Variants in CFDP1 observed in about 807,000 individuals in gnomAD.
CFDP1 encodes the protein chromatin remodeling protein CFDP1.
A neutral mutation model predicts 40.1 loss-of-function variants in CFDP1; 31 were observed. That is an observed-to-expected ratio of 0.77 (90% confidence interval 0.58 to 1.04). The LOEUF (loss-of-function observed/expected upper bound fraction) is 1.04, where lower values mean the gene tolerates loss of function less well. CFDP1 is among the 50% of genes least tolerant of loss of function. The pLI, the probability that CFDP1 is intolerant of heterozygous loss-of-function variation, is 0.00. For synonymous variants in CFDP1, 167 were observed against 120.0 expected (o/e 1.39, Z -2.56); for missense variants, 423 against 343.4 (o/e 1.23, Z -1.83).
chr16:75,384,210 A>T (rs2078873933), intron 5 of CFDP1, among the ~76,000 whole-genome samples: 1 of 152,116 alleles, frequency 6.6e-6, no homozygotes, highest in African/African-American at 2.4e-5. Flanking sequence ...TACAAAAATT[A>T]GCCAGGCATG....
chr16:75,433,142 T>C (rs951512265), intron 1 of CFDP1, 147 bp downstream of exon 1: 9 of 709,014 alleles, frequency 1.3e-5, no homozygotes, highest in Non-Finnish European at 2.1e-5. Flanking sequence ...CGGCCGAGGA[T>C]GAGGGGCCTG....
In CFDP1 at chr16:75,424,755, CA is replaced by C. The variant is rs34126287; in HGVS notation, c.64+8533del. Among the ~76,000 whole-genome samples the C allele has an allele frequency of 8.7e-4, 113 of 129,366 alleles. 1 individual carries two copies. Among genetic ancestry groups the C allele is most frequent in the Middle Eastern group, 7.9e-3 (2 of 252 alleles). The allele number at this position is 129,366 out of a possible 152,430, so 84.9% of individuals were successfully genotyped here. ...TGGGCAACAGAGGGAGACTCCGTCT[CA>C]AAAAAAAAAAAAAAAAGATTGGGAA... is the stretch of plus-strand genomic sequence containing the variant. On this transcript the variant is annotated intron_variant, in intron 1 of 6. Transcript: ENST00000283882.
intron 4 of CFDP1, 108 bp downstream of exon 4, chr16:75,411,717 C>A (rs2151585023): frequency 1.7e-6 from 2 of 1,162,566 alleles, no homozygotes; most frequent in East Asian, 2.4e-5. Context: ...GTATAACTCT[C>A]CCAAAATATT....
intron 5 of CFDP1, among the ~76,000 whole-genome samples, chr16:75,376,422 T>C (rs372452795): frequency 3.3e-5 from 5 of 152,362 alleles, no homozygotes; most frequent in South Asian, 4.1e-4. Flanking sequence ...ACCACTGATA[T>C]ACACAGCAAC....
intron 5 of CFDP1, among the ~76,000 whole-genome samples, chr16:75,336,943 G>C (rs1403286228): frequency 6.6e-6 from 1 of 152,122 alleles, no homozygotes; most frequent in Non-Finnish European, 1.5e-5. Context: ...TTAAAAACTG[G>C]ACAGTTGCTA....
chr16:75,327,046 G>A (rs949544770), intron 5 of CFDP1, among the ~76,000 whole-genome samples: 14 of 152,152 alleles, frequency 9.2e-5, no homozygotes, highest in African/African-American at 1.4e-4. Flanking sequence ...CGAGGCGGGC[G>A]GATCATGAGG....
At chr16:75,322,300 G>C (rs1313327854) in intron 5 of CFDP1, among the ~76,000 whole-genome samples, 3 of 152,336 alleles carry the variant, frequency 2.0e-5, no homozygotes, top group African/African-American at 7.2e-5. Flanking sequence ...CTTGGGTACA[G>C]TGGCTTTGCA....
chr16:75,311,678 T>C (rs181183742), intron 5 of CFDP1, among the ~76,000 whole-genome samples: 1 of 152,246 alleles, frequency 6.6e-6, no homozygotes, highest in East Asian at 1.9e-4. Context: ...ATCACTAAAA[T>C]GCAACTTATT....
intron 1 of CFDP1, among the ~76,000 whole-genome samples, chr16:75,426,874 G>A (rs1002085846): frequency 1.3e-5 from 2 of 151,930 alleles, no homozygotes; most frequent in African/African-American, 2.4e-5. Flanking sequence ...GGCAAACATG[G>A]TGAAACCCCA....
rs182867884 is a variant in CFDP1 at position 75,333,027 on chromosome 16, C to T, written c.651-27845G>A. Among the ~76,000 whole-genome samples, 9 of 151,614 alleles carry T rather than the reference C, an allele frequency of 5.9e-5. No homozygotes were observed. The East Asian group carries it at 1.4e-3, about 23-fold the overall frequency. ...TTCACCATGTTAGCCAGGCTGGTCTCGAACTCCTAACCTCAGGTGATCTGC... is the reference window on the plus strand; with the variant it reads ...TTCACCATGTTAGCCAGGCTGGTCTTGAACTCCTAACCTCAGGTGATCTGC... On this transcript the variant is annotated intron_variant, in intron 5 of 6. Coordinates refer to ENST00000283882, the MANE Select transcript of CFDP1 (RefSeq NM_006324.3).
At chr16:75,384,004 T>A (rs983449993) in intron 5 of CFDP1, among the ~76,000 whole-genome samples, 32 of 152,154 alleles carry the variant, frequency 2.1e-4, no homozygotes, top group African/African-American at 7.7e-4. Context: ...TTCCGTAACA[T>A]TTGACAAATA....
chr16:75,370,455 T>A (rs1269131119), intron 5 of CFDP1, among the ~76,000 whole-genome samples: 1 of 152,142 alleles, frequency 6.6e-6, no homozygotes, highest in Non-Finnish European at 1.5e-5. Context: ...ATACCTAATG[T>A]AAATGATGAG....
chr16:75,425,943 G>A (rs1421410812), intron 1 of CFDP1, among the ~76,000 whole-genome samples: 2 of 147,472 alleles, frequency 1.4e-5, no homozygotes, highest in African/African-American at 2.5e-5. Context: ...AGCTGAGGCA[G>A]GAGAATCGCT....
At chr16:75,420,352 G>A (rs2079264254) in intron 1 of CFDP1, among the ~76,000 whole-genome samples, 1 of 152,198 alleles carries the variant, frequency 6.6e-6, no homozygotes, top group African/African-American at 2.4e-5. Context: ...TCTGGCCAAA[G>A]TATTTCATTG....
intron 5 of CFDP1, among the ~76,000 whole-genome samples, chr16:75,335,189 G>A (rs1335742743): frequency 6.6e-6 from 1 of 152,140 alleles, no homozygotes; most frequent in African/African-American, 2.4e-5. Context: ...CCCTGGTTGG[G>A]CTTCAAACGC....
chr16:75,348,426 C>T (rs1426533428), intron 5 of CFDP1, among the ~76,000 whole-genome samples: 6 of 152,100 alleles, frequency 3.9e-5, no homozygotes, highest in Non-Finnish European at 8.8e-5. Context: ...AAAGTTATTT[C>T]AAAATAAAAT....
chr16:75,393,790 T>G lies in CFDP1; in HGVS notation c.650+1300A>C, dbSNP rs368550280. ...AAAAAAAAAGTGGGGCCGGGCCCGGTGGCTCACGCCTGTAATCCTAGCACT... is the reference window on the plus strand; with the variant it reads ...AAAAAAAAAGTGGGGCCGGGCCCGGGGGCTCACGCCTGTAATCCTAGCACT... On this transcript the variant is annotated intron_variant, in intron 5 of 6. Transcript: ENST00000283882. Among the ~76,000 whole-genome samples, 42 of 137,592 alleles carry G rather than the reference T, an allele frequency of 3.1e-4. 3 individuals are homozygous for G. The highest frequency in any genetic ancestry group is 3.5e-4 in the African/African-American group (12 of 34,748). 90.3% of individuals were successfully genotyped at this position (137,592 alleles called of 152,430 possible).
intron 5 of CFDP1, among the ~76,000 whole-genome samples, chr16:75,307,421 T>C (rs372072750): frequency 7.2e-5 from 11 of 152,152 alleles, no homozygotes; most frequent in African/African-American, 2.7e-4. Flanking sequence ...TTTGCCATGT[T>C]GGGCAGGCTG....
intron 5 of CFDP1, among the ~76,000 whole-genome samples, chr16:75,362,001 T>C (rs980845474): frequency 1.3e-5 from 2 of 152,140 alleles, no homozygotes; most frequent in Non-Finnish European, 2.9e-5. Flanking sequence ...AGGAAGTCAT[T>C]TGTACAAAAT....
Sources: gnomAD v4.1 joint callset for allele counts (sites outside exome capture counted in the v4.1 genomes callset) on GRCh38, gnomAD v4.1.1 for gene constraint, MANE v1.5 for transcripts, NCBI Gene and HGNC (gene_info 2026-07-23, HGNC 2026-07-21) for gene names.